MAP3K13: variants seen among roughly 807,000 people sequenced by gnomAD.
MAP3K13 encodes the protein mitogen-activated protein kinase kinase kinase 13.
MAP3K13 carries 52 observed loss-of-function variants against 104.0 expected under a neutral mutation model. That is an observed-to-expected ratio of 0.50 (90% CI 0.40 to 0.63). The LOEUF (loss-of-function observed/expected upper bound fraction) is 0.63. Ranked by LOEUF, MAP3K13 falls within the 20% of genes least tolerant of loss-of-function variation. The probability of loss-of-function intolerance (pLI) is 0.00; values close to 1 mark genes in which losing one functional copy is unlikely to be tolerated. For synonymous variants in MAP3K13, 394 were observed against 442.2 expected (o/e 0.89, Z 1.37); for missense variants, 914 against 1,218.5 (o/e 0.75, Z 3.72).
chr3:185,358,139 A>G (rs1194245154), upstream of MAP3K13, among the ~76,000 whole-genome samples: 1 of 152,234 alleles, frequency 6.6e-6, no homozygotes, highest in Non-Finnish European at 1.5e-5. Context: ...AAAACAAGGA[A>G]GAGAAAGCAA....
intron 1 of MAP3K13, among the ~76,000 whole-genome samples, chr3:185,389,283 A>G (rs149211705): frequency 2.0e-3 from 312 of 152,246 alleles, no homozygotes; most frequent in African/African-American, 7.2e-3. Context: ...AAAGTGAGAC[A>G]ATGCTAGTTG....
chr3:185,464,283 G>C (rs1717282429), intron 8 of MAP3K13, among the ~76,000 whole-genome samples: 1 of 152,070 alleles, frequency 6.6e-6, no homozygotes, highest in African/African-American at 2.4e-5. Context: ...GTGAGATTCT[G>C]TCTCAAAAAA....
intron 7 of MAP3K13, among the ~76,000 whole-genome samples, chr3:185,454,632 T>G (rs62649257): frequency 2.7e-4 from 6 of 21,828 alleles, no homozygotes; most frequent in Admixed American, 7.1e-4. Context: ...ATGAGATATA[T>G]ATATGAGATA....
At chr3:185,389,537 A>T (rs1004550937) in intron 1 of MAP3K13, among the ~76,000 whole-genome samples, 1 of 152,028 alleles carries the variant, frequency 6.6e-6, no homozygotes, top group Non-Finnish European at 1.5e-5. Flanking sequence ...CTGCCAGTTG[A>T]TACCTGGGGG....
chr3:185,484,004 GC>G lies in MAP3K13; in HGVS notation c.*1551del, dbSNP rs1299055277. ...TGGGATTACAGGCATCAGCCACTGT[GC>G]CCGGCCTATCTTAGAAGTCTTAATG... On this transcript the variant is annotated 3_prime_UTR_variant, in exon 14 of 14. Transcript: ENST00000265026. 9 of 152,144 alleles carry G rather than the reference GC, an allele frequency of 5.9e-5. No individual in the cohort carries two copies. Among genetic ancestry groups the G allele is most frequent in the Admixed American group, 4.6e-4 (7 of 15,276 alleles). 9.4% of individuals were successfully genotyped at this position (152,144 alleles called of 1,614,324 possible).
chr3:185,373,076 TG>T (rs1350551165), intron 1 of MAP3K13, among the ~76,000 whole-genome samples: 2 of 152,162 alleles, frequency 1.3e-5, no homozygotes, highest in African/African-American at 4.8e-5. Flanking sequence ...CTTGAAGTTT[TG>T]GGGTAAGGAA....
chr3:185,406,600 G>A (rs1713126481), intron 1 of MAP3K13, among the ~76,000 whole-genome samples: 2 of 152,266 alleles, frequency 1.3e-5, no homozygotes, highest in Non-Finnish European at 1.5e-5. Flanking sequence ...AAGGGAAAAA[G>A]CCACTAATCC....
intron 1 of MAP3K13, among the ~76,000 whole-genome samples, chr3:185,376,923 A>G (rs139506826): frequency 1.8e-3 from 267 of 152,264 alleles, no homozygotes; most frequent in African/African-American, 6.2e-3. Flanking sequence ...AGCCCAGGTA[A>G]TTTGCTGAGC....
At chr3:185,397,859 C>A (rs1436269772) in intron 1 of MAP3K13, among the ~76,000 whole-genome samples, 1 of 152,170 alleles carries the variant, frequency 6.6e-6, no homozygotes, top group Non-Finnish European at 1.5e-5. Flanking sequence ...TGTCAGTGGC[C>A]GTGTGGATGA....
chr3:185,306,676 A>G (rs1042498005), intron 2 of MAP3K13, among the ~76,000 whole-genome samples: 14 of 152,092 alleles, frequency 9.2e-5, no homozygotes, highest in Admixed American at 2.6e-4. Flanking sequence ...GATTCTGGAT[A>G]TTAGACCTTT....
At chr3:185,424,195 C>T (rs1055780569) in intron 1 of MAP3K13, among the ~76,000 whole-genome samples, 1 of 152,226 alleles carries the variant, frequency 6.6e-6, no homozygotes, top group Non-Finnish European at 1.5e-5. Flanking sequence ...CCTTTAGCAT[C>T]TACCTCTTTG....
intron 2 of MAP3K13, among the ~76,000 whole-genome samples, chr3:185,316,658 G>T (rs1464384183): frequency 3.9e-5 from 6 of 152,032 alleles, no homozygotes; most frequent in Admixed American, 3.3e-4. Flanking sequence ...CAGTTTTTTT[G>T]TTTTGCTGAC....
chr3:185,434,576 T>G (rs1456886807), intron 2 of MAP3K13, among the ~76,000 whole-genome samples: 1 of 152,046 alleles, frequency 6.6e-6, no homozygotes, highest in Non-Finnish European at 1.5e-5. Flanking sequence ...GAACTTATAA[T>G]AAAAATAGGA....
At chr3:185,477,261 G>A in intron 11 of MAP3K13, 65 bp from the exon 12 acceptor site, 1 of 998,626 alleles carries the variant, frequency 1.0e-6, no homozygotes, top group African/African-American at 1.6e-5. Context: ...CAGTTAGTGG[G>A]GATGGGGTGA....
rs376937269 is a variant in MAP3K13, at chr3:185,415,452, C to T, written c.-85-13045C>T. ...GGATTACAGGTATGAGCCACCATGCCCTGCCCTGGTCTAATTATTCTTATG... is the reference window on the plus strand; with the variant it reads ...GGATTACAGGTATGAGCCACCATGCTCTGCCCTGGTCTAATTATTCTTATG... On this transcript the variant is annotated intron_variant, in intron 1 of 13. Transcript: ENST00000265026. 3.4e-4 allele frequency among the ~76,000 whole-genome samples: 52 copies of T among 152,162 alleles called. No homozygotes were observed. The East Asian group carries it at 7.3e-3, about 21-fold the overall frequency.
At chr3:185,436,980 G>A (rs1446155114) in intron 2 of MAP3K13, among the ~76,000 whole-genome samples, 4 of 115,442 alleles carry the variant, frequency 3.5e-5, no homozygotes, top group Non-Finnish European at 6.7e-5. Flanking sequence ...CAGCCTGGGT[G>A]ACAGAGCAAG....
Position 185,486,152 on chromosome 3 carries a change from G to A in MAP3K13, c.*3696G>A, listed in dbSNP as rs1436847598. On this transcript the variant is annotated 3_prime_UTR_variant, in exon 14 of 14. Coordinates refer to ENST00000265026, the MANE Select transcript of MAP3K13 (RefSeq NM_004721.5). ...CAGCTTTTATCTTACATCTTTCAGT[G>A]ATGGTCTTCCTAGAAAACCTACCCC... 6.6e-6 allele frequency: 1 copy of A among 152,162 alleles called. No individual in the cohort carries two copies. Among genetic ancestry groups the A allele is most frequent in the Non-Finnish European group, 1.5e-5 (1 of 68,028 alleles). The allele number at this position is 152,162 out of a possible 1,614,324, so 9.4% of individuals were successfully genotyped here.
At chr3:185,476,857 TCTATCTAA>T (rs1718161241) in intron 11 of MAP3K13, among the ~76,000 whole-genome samples, 1 of 152,196 alleles carries the variant, frequency 6.6e-6, no homozygotes, top group African/African-American at 2.4e-5. Context: ...CTCAAAAATG[TCTATCTAA>T]CTACATAATA....
intron 7 of MAP3K13, among the ~76,000 whole-genome samples, chr3:185,455,390 AT>A (rs1716483941): frequency 1.3e-5 from 1 of 77,510 alleles, no homozygotes; most frequent in African/African-American, 4.8e-5. Context: ...TGATATATAT[AT>A]CATATATGAG....
Sources: gnomAD v4.1 joint callset for allele counts (sites outside exome capture counted in the v4.1 genomes callset) on GRCh38, gnomAD v4.1.1 for gene constraint, MANE v1.5 for transcripts, NCBI Gene and HGNC (gene_info 2026-07-23, HGNC 2026-07-21) for gene names.